Variants in MKNK2 observed in about 807,000 individuals in gnomAD.
MKNK2 encodes the protein MAPK interacting serine/threonine kinase 2.
MKNK2 carries 54 observed loss-of-function variants against 55.0 expected under a neutral mutation model. The observed-to-expected ratio is 0.98, with a 90% CI of 0.79 to 1.23. The LOEUF (loss-of-function observed/expected upper bound fraction) is 1.23. Among genes scored for constraint, MKNK2 ranks in the 50% most tolerant of loss-of-function variants. The pLI, the probability that MKNK2 is intolerant of heterozygous loss-of-function variation, is 0.00. For missense variants in MKNK2, 685 were observed against 632.1 expected, an observed-to-expected ratio of 1.08 and a Z score of -0.90; for synonymous variants, 323 against 256.0, an observed-to-expected ratio of 1.26 and a Z score of -2.50.
At chr19:2,043,390 G>A in intron 6 of MKNK2, 113 bp downstream of exon 6, 1 of 1,130,758 alleles carries the variant, frequency 8.8e-7, no homozygotes, top group Admixed American at 1.8e-5. Context: ...GGAATGCAGG[G>A]CCTGGGAAAC....
rs978271041 is a variant in MKNK2, at chr19:2,040,065, C to T, written c.1154+69G>A. ...CCCCAAAGCAGTTCTCCGGGTCTTT[C>T]ACAAATGTCTTAACCTGGAAACCCC... On this transcript the variant is annotated intron_variant, in intron 13 of 13. Transcript: ENST00000250896. 2.0e-6 allele frequency: 3 copies of T among 1,513,850 alleles called. No individual in the cohort carries two copies. The African/African-American group carries it at 4.1e-5, about 21-fold the overall frequency. The allele number at this position is 1,513,850 out of a possible 1,614,324, so 93.8% of individuals were successfully genotyped here.
chr19:2,047,509 C>T (rs2017025360), intron 2 of MKNK2, among the ~76,000 whole-genome samples: 1 of 152,194 alleles, frequency 6.6e-6, no homozygotes, highest in African/African-American at 2.4e-5. Context: ...TGTCTTGCAC[C>T]TCCGTCTGCT....
chr19:2,049,468 C>T (rs1906238756), intron 2 of MKNK2, among the ~76,000 whole-genome samples: 1 of 152,206 alleles, frequency 6.6e-6, no homozygotes, highest in African/African-American at 2.4e-5. Flanking sequence ...CCAAGACGCC[C>T]ACCTTCCCAG....
In MKNK2 at chr19:2,046,195, G is replaced by A. The variant is rs143600511; in HGVS notation, c.330C>T (p.Tyr110=). The part of the protein sequence containing the change: ...TCINLITSQE[Y]AVKIIEKQPG... ...CGCGGCGCGGGCCCACCTTGACGGCGTACTCCTGGCTGGTGATCAGGTTGA... is the reference window on the plus strand; with the variant it reads ...CGCGGCGCGGGCCCACCTTGACGGCATACTCCTGGCTGGTGATCAGGTTGA... The change falls in exon 5 of 14, where the codon TAC becomes TAT. Residue 110 remains tyrosine, a synonymous_variant. Coordinates refer to ENST00000250896, the MANE Select transcript of MKNK2 (RefSeq NM_199054.3). 45 of 1,608,464 alleles carry A rather than the reference G, an allele frequency of 2.8e-5. No homozygotes were observed. The highest frequency in any genetic ancestry group is 3.6e-5 in the Non-Finnish European group (42 of 1,179,896).
chr19:2,039,948 GC>G (rs1246392148), intron 13 of MKNK2, 92 bp from the exon 14 acceptor site: 8 of 1,458,206 alleles, frequency 5.5e-6, no homozygotes, highest in Admixed American at 3.8e-5. Context: ...GGGGCTTCAT[GC>G]CCCCCTCCCA....
chr19:2,042,096 G>A lies in MKNK2; in HGVS notation c.751-62C>T, dbSNP rs564651332. On this transcript the variant is annotated intron_variant, in intron 10 of 13. Coordinates refer to ENST00000250896, the MANE Select transcript of MKNK2 (RefSeq NM_199054.3). ...CCAGCATTACGTGGGAACCGAGCCC[G>A]GGTAACTGCGGGTCACCTGCGCCAG... 8.8e-4 allele frequency: 1,212 copies of A among 1,369,964 alleles called. 3 individuals carry two copies. In the Middle Eastern group the frequency reaches 9.4e-3, roughly 11 times the overall value. The allele number at this position is 1,369,964 out of a possible 1,614,324, so 84.9% of individuals were successfully genotyped here. A position where few individuals can be genotyped will look rare whatever the true frequency, so the allele number is the denominator to read the frequency against.
chr19:2,049,602 G>A (rs538234794), intron 2 of MKNK2, among the ~76,000 whole-genome samples: 12 of 152,218 alleles, frequency 7.9e-5, no homozygotes, highest in Non-Finnish European at 1.8e-4. Flanking sequence ...CTTGGCAGGA[G>A]GTGGCTGGAA....
intron 7 of MKNK2, 62 bp downstream of exon 7, chr19:2,043,062 G>A (rs2016927059): frequency 2.1e-6 from 3 of 1,446,536 alleles, no homozygotes. Context: ...GGTGGCACTA[G>A]GCCCCCATCC....
At chr19:2,043,291 C>A in intron 6 of MKNK2, 94 bp from the exon 7 acceptor site, 1 of 1,136,164 alleles carries the variant, frequency 8.8e-7, no homozygotes, top group Non-Finnish European at 1.3e-6. Context: ...CCTCTTGGTG[C>A]TGGCCTGTCC....
At position 2,038,340 on chromosome 19, in the gene MKNK2, C is replaced by T. The variant is rs780225358; in HGVS notation, c.*1273G>A. On this transcript the variant is annotated 3_prime_UTR_variant, in exon 14 of 14. Transcript: ENST00000250896. ...GAGGGGCTGCCCCAGCTGTGGAGCT[C>T]GGGGGCTGCGCCGGGAAGGGCGGGC... is the stretch of plus-strand genomic sequence containing the variant. The T allele has an allele frequency of 6.1e-6, 6 of 986,458 alleles. No individual in the cohort carries two copies. The highest frequency in any genetic ancestry group is 7.2e-6 in the Non-Finnish European group (6 of 830,396). 61.1% of individuals were successfully genotyped at this position (986,458 alleles called of 1,614,324 possible). A position where few individuals can be genotyped will look rare whatever the true frequency, so the allele number is the denominator to read the frequency against.
chr19:2,045,917 A>G (rs1005961225), intron 5 of MKNK2, among the ~76,000 whole-genome samples: 7 of 152,106 alleles, frequency 4.6e-5, no homozygotes, highest in African/African-American at 1.7e-4. Context: ...CCTTGAAACC[A>G]AACTGTCATG....
chr19:2,048,221 AGGCTGGGGCT>A (rs2017039927), intron 2 of MKNK2, among the ~76,000 whole-genome samples: 1 of 149,440 alleles, frequency 6.7e-6, no homozygotes, highest in African/African-American at 2.5e-5. Flanking sequence ...TGCACTGGGC[AGGCTGGGGCT>A]GGGTCATTTC....
Position 2,043,158 on chromosome 19 carries a change from GTCC to G in MKNK2, c.456_458del (p.Glu152del), listed in dbSNP as rs1050775761. ...TCTTCTCAAACACCAGGTAGAAGCG[GTCC>G]TCCTCCTCGAAGAACTCAATCAGCT... is the stretch of plus-strand genomic sequence containing the variant. On this transcript the variant is annotated inframe_deletion, in exon 7 of 14. Coordinates refer to ENST00000250896, the MANE Select transcript of MKNK2 (RefSeq NM_199054.3). The G allele has an allele frequency of 6.2e-6, 10 of 1,613,100 alleles. No homozygotes were observed. Among genetic ancestry groups the G allele is most frequent in the South Asian group, 2.2e-5 (2 of 91,052 alleles).
Position 2,040,142 on chromosome 19 carries a change from G to C in MKNK2, c.1146C>G (p.Val382=). The part of the protein sequence containing the change: ...APENTLPTPM[V]LQRNSCAKDL... ...ACCCCTGCGGGCCTTACCTCTGCAG[G>C]ACCATGGGAGTGGGCAAGGTGTTCT... Residue 382 remains valine, a synonymous_variant, in exon 13 of 14, where the codon GTC becomes GTG. Transcript: ENST00000250896. 3.1e-6 allele frequency: 5 copies of C among 1,592,574 alleles called. No homozygotes were observed. The highest frequency in any genetic ancestry group is 4.3e-6 in the Non-Finnish European group (5 of 1,171,382).
intron 2 of MKNK2, among the ~76,000 whole-genome samples, chr19:2,050,494 G>A (rs2017091023): frequency 6.6e-6 from 1 of 152,284 alleles, no homozygotes; most frequent in East Asian, 1.9e-4. Context: ...CATACCCGGC[G>A]GGGGCTTGCA....
chr19:2,040,057 G>T, intron 13 of MKNK2, 77 bp downstream of exon 13: 1 of 1,484,082 alleles, frequency 6.7e-7, no homozygotes, highest in Non-Finnish European at 9.2e-7. Flanking sequence ...GCAGTTCTCC[G>T]GGTCTTTCAC....
intron 2 of MKNK2, among the ~76,000 whole-genome samples, chr19:2,047,321 C>T (rs1474921176): frequency 1.3e-5 from 2 of 152,268 alleles, no homozygotes; most frequent in East Asian, 3.9e-4. Flanking sequence ...ACAGCCCCAC[C>T]CCAGAGAAAG....
chr19:2,040,801 C>T, intron 12 of MKNK2: 1 of 559,366 alleles, frequency 1.8e-6, no homozygotes, highest in Non-Finnish European at 3.2e-6. Flanking sequence ...CCACCACCCT[C>T]CAGGAAGGTT....
intron 11 of MKNK2, 135 bp downstream of exon 11, chr19:2,041,705 G>A (rs956883134): frequency 1.8e-5 from 12 of 675,246 alleles, no homozygotes; most frequent in South Asian, 3.9e-5. Context: ...GTCCCCGAGG[G>A]TTAGGGGGTG....
Sources: gnomAD v4.1 joint callset for allele counts (sites outside exome capture counted in the v4.1 genomes callset) on GRCh38, gnomAD v4.1.1 for gene constraint, MANE v1.5 for transcripts, NCBI Gene and HGNC (gene_info 2026-07-23, HGNC 2026-07-21) for gene names.